CNBD1: variants seen among roughly 807,000 people sequenced by gnomAD.
CNBD1 encodes the protein cyclic nucleotide binding domain containing 1, also known as cyclic nucleotide-binding domain-containing protein 1.
A neutral mutation model predicts 54.4 loss-of-function variants in CNBD1; 71 were observed. That is an observed-to-expected ratio of 1.30 (90% confidence interval 1.08 to 1.59). CNBD1 has a LOEUF of 1.59. CNBD1 is among the 40% of genes most tolerant of loss of function. The pLI, the probability that CNBD1 is intolerant of heterozygous loss-of-function variation, is 0.00. For missense variants in CNBD1, 659 were observed against 518.0 expected, an observed-to-expected ratio of 1.27 and a Z score of -2.64; for synonymous variants, 182 against 170.7, an observed-to-expected ratio of 1.07 and a Z score of -0.51.
chr8:87,049,089 C>G (rs1016866479), intron 4 of CNBD1, among the ~76,000 whole-genome samples: 3 of 152,192 alleles, frequency 2.0e-5, no homozygotes, highest in African/African-American at 7.2e-5. Context: ...TGAGGTCTTA[C>G]TTCTCTTATG....
chr8:87,408,731 C>A (rs943832083), intron 2 of CNBD1, among the ~76,000 whole-genome samples: 1 of 152,076 alleles, frequency 6.6e-6, no homozygotes, highest in African/African-American at 2.4e-5. Flanking sequence ...TTTTGTGTCT[C>A]CGTGTCACAT....
intron 4 of CNBD1, among the ~76,000 whole-genome samples, chr8:87,065,919 A>G (rs1810640153): frequency 6.6e-6 from 1 of 151,996 alleles, no homozygotes; most frequent in African/African-American, 2.4e-5. Context: ...ATGGTTGTTG[A>G]TAAGTTTCAA....
intron 2 of CNBD1, among the ~76,000 whole-genome samples, chr8:87,392,525 C>G (rs914707033): frequency 1.3e-5 from 2 of 151,956 alleles, no homozygotes; most frequent in Non-Finnish European, 2.9e-5. Flanking sequence ...ACCTTGAAAA[C>G]TTTTTGCTAA....
At chr8:87,065,937 T>C (rs1032721154) in intron 4 of CNBD1, among the ~76,000 whole-genome samples, 6 of 151,968 alleles carry the variant, frequency 3.9e-5, no homozygotes, top group African/African-American at 1.4e-4. Context: ...CAAAGAACAA[T>C]GCACAATGAT....
intron 8 of CNBD1, among the ~76,000 whole-genome samples, chr8:87,332,560 G>T (rs1486265482): frequency 1.3e-5 from 2 of 152,108 alleles, no homozygotes; most frequent in Admixed American, 6.6e-5. Context: ...TTTTGCATAA[G>T]GTTTAAGGAA....
intron 4 of CNBD1, among the ~76,000 whole-genome samples, chr8:87,089,010 A>T (rs560693907): frequency 6.6e-6 from 1 of 152,270 alleles, no homozygotes; most frequent in South Asian, 2.1e-4. Flanking sequence ...GACTAAGAAG[A>T]TTTACGGGAA....
At chr8:86,965,527 G>T (rs1808049655) in intron 4 of CNBD1, among the ~76,000 whole-genome samples, 1 of 152,078 alleles carries the variant, frequency 6.6e-6, no homozygotes. Context: ...TTTTTAACTG[G>T]CTAAGAGTCC....
intron 4 of CNBD1, among the ~76,000 whole-genome samples, chr8:87,111,397 C>A (rs1192432809): frequency 6.6e-6 from 1 of 152,220 alleles, no homozygotes; most frequent in Non-Finnish European, 1.5e-5. Context: ...ATGTCGTTAT[C>A]TGCTCAAATC....
At chr8:86,924,327 G>C (rs1023790116) in intron 3 of CNBD1, among the ~76,000 whole-genome samples, 4 of 152,118 alleles carry the variant, frequency 2.6e-5, no homozygotes, top group Non-Finnish European at 4.4e-5. Flanking sequence ...GAGAGCATTT[G>C]AACCAAGGCA....
intron 2 of CNBD1, among the ~76,000 whole-genome samples, chr8:86,888,532 T>C (rs963368840): frequency 1.3e-5 from 2 of 152,098 alleles, no homozygotes; most frequent in African/African-American, 4.8e-5. Context: ...TCTGCCTTGG[T>C]TTTTTCATTG....
chr8:86,992,952 G>A (rs999602617), intron 4 of CNBD1, among the ~76,000 whole-genome samples: 5 of 152,028 alleles, frequency 3.3e-5, no homozygotes, highest in East Asian at 1.9e-4. Context: ...ATCTTATATA[G>A]TACCTACCAG....
chr8:86,981,043 G>A (rs1473415186), intron 4 of CNBD1, among the ~76,000 whole-genome samples: 2 of 152,190 alleles, frequency 1.3e-5, no homozygotes, highest in African/African-American at 2.4e-5. Context: ...GGAAAATTGG[G>A]CAAGCTTTGG....
intron 8 of CNBD1, among the ~76,000 whole-genome samples, chr8:87,301,116 C>G (rs1808979550): frequency 6.6e-6 from 1 of 151,934 alleles, no homozygotes; most frequent in Non-Finnish European, 1.5e-5. Context: ...GGATAAATTC[C>G]TGGAAAAAAT....
intron 4 of CNBD1, among the ~76,000 whole-genome samples, chr8:87,112,844 C>T (rs1216115784): frequency 6.6e-6 from 1 of 152,118 alleles, no homozygotes; most frequent in Non-Finnish European, 1.5e-5. Flanking sequence ...TCCTAAGGTA[C>T]TCCTGGCACT....
Position 86,869,583 on chromosome 8 carries a change from G to T in CNBD1, c.88+3000G>T, listed in dbSNP as rs1412738378. ...GTTCTTTCTTCTTTGAAACTTTCAAGTCTTTTCCTTCTCTGGTCTCTTTGA... is the reference window on the plus strand; with the variant it reads ...GTTCTTTCTTCTTTGAAACTTTCAATTCTTTTCCTTCTCTGGTCTCTTTGA... On this transcript the variant is annotated intron_variant, in intron 1 of 10. Transcript: ENST00000518476. 2.0e-5 allele frequency among the ~76,000 whole-genome samples: 3 copies of T among 152,282 alleles called. No individual in the cohort carries two copies. The East Asian group carries it at 5.8e-4, about 29-fold the overall frequency.
chr8:87,313,875 A>T (rs548466432), intron 8 of CNBD1, among the ~76,000 whole-genome samples: 1 of 152,060 alleles, frequency 6.6e-6, no homozygotes, highest in Non-Finnish European at 1.5e-5. Context: ...TTTTTATAAT[A>T]GTATACCAAG....
chr8:87,062,547 G>A (rs1236679107), intron 4 of CNBD1, among the ~76,000 whole-genome samples: 2 of 152,108 alleles, frequency 1.3e-5, no homozygotes, highest in Non-Finnish European at 2.9e-5. Context: ...AGACCAGCCT[G>A]ACCAACATGG....
chr8:87,336,233 AT>A (rs1809943060), intron 8 of CNBD1, among the ~76,000 whole-genome samples: 1 of 152,058 alleles, frequency 6.6e-6, no homozygotes, highest in South Asian at 2.1e-4. Flanking sequence ...CTTAATTTGA[AT>A]GTTGGCTTGT....
At chr8:87,371,752 A>G (rs1439076037) in intron 10 of CNBD1, among the ~76,000 whole-genome samples, 3 of 152,014 alleles carry the variant, frequency 2.0e-5, no homozygotes, top group African/African-American at 7.2e-5. Flanking sequence ...GATTATCTCA[A>G]TAGATGCAGA....
Sources: gnomAD v4.1 joint callset for allele counts (sites outside exome capture counted in the v4.1 genomes callset) on GRCh38, gnomAD v4.1.1 for gene constraint, MANE v1.5 for transcripts, NCBI Gene and HGNC (gene_info 2026-07-23, HGNC 2026-07-21) for gene names.